The following NPRL3 variants were observed in gnomAD, a reference collection of about 807,000 sequenced individuals.
The protein encoded by NPRL3 is NPR3 like, GATOR1 complex subunit, also known as GATOR1 complex protein NPRL3.
Under a neutral mutation model 57.2 loss-of-function variants are expected in NPRL3, and 23 were observed. The ratio of observed to expected loss-of-function variants is 0.40; its 90% CI spans 0.29 to 0.57. NPRL3 has a LOEUF of 0.57. Among genes scored for constraint, NPRL3 ranks in the 20% least tolerant of loss-of-function variants. NPRL3 has a pLI of 0.42. For missense variants in NPRL3, 691 were observed against 767.1 expected, an observed-to-expected ratio of 0.90 and a Z score of 1.17; for synonymous variants, 333 against 321.1, an observed-to-expected ratio of 1.04 and a Z score of -0.39.
chr16:92,881 G>A (rs1596499736), intron 10 of NPRL3, 156 bp from the exon 11 acceptor site: 3 of 894,422 alleles, frequency 3.4e-6, no homozygotes, highest in Admixed American at 2.3e-5. Flanking sequence ...CCTCCAGGTG[G>A]ACAGAGCCTG....
intron 2 of NPRL3, among the ~76,000 whole-genome samples, chr16:137,784 C>T (rs983233817): frequency 2.0e-5 from 3 of 151,882 alleles, no homozygotes; most frequent in Non-Finnish European, 2.9e-5. Flanking sequence ...AGGCTGGTCT[C>T]GAACTCCTGA....
intron 7 of NPRL3, among the ~76,000 whole-genome samples, chr16:103,296 A>T (rs59882958): frequency 2.7e-3 from 114 of 42,096 alleles, no homozygotes; most frequent in South Asian, 3.6e-3. Flanking sequence ...GCCTGGGGTG[A>T]TTTTTTTTTT....
chr16:106,634 A>T (rs1251017944), intron 7 of NPRL3, among the ~76,000 whole-genome samples: 4 of 127,258 alleles, frequency 3.1e-5, no homozygotes, highest in Non-Finnish European at 4.8e-5. Flanking sequence ...TAAATTAAAA[A>T]AAAAAAAAAA....
intron 5 of NPRL3, among the ~76,000 whole-genome samples, chr16:114,398 A>G (rs1428182792): frequency 6.6e-6 from 1 of 152,234 alleles, no homozygotes; most frequent in Non-Finnish European, 1.5e-5. Context: ...TACACGACAT[A>G]AAGTGGCAGG....
chr16:107,143 A>G (rs216091), intron 7 of NPRL3, among the ~76,000 whole-genome samples: 135,067 of 152,218 alleles, frequency 0.89, 60,083 homozygotes, highest in African/African-American at 0.94. Flanking sequence ...AGAATGCTAC[A>G]TGCTGAACAA....
At chr16:115,119 C>T (rs1331193372) in intron 5 of NPRL3, among the ~76,000 whole-genome samples, 3 of 151,678 alleles carry the variant, frequency 2.0e-5, no homozygotes, top group African/African-American at 7.3e-5. Flanking sequence ...GGACTACAGG[C>T]GCACATCATC....
rs2283464 is a variant in NPRL3 at position 100,766 on chromosome 16, G to A, written c.630-257C>T. Among the ~76,000 whole-genome samples the A allele has an allele frequency of 0.85, 124,187 of 145,550 alleles. 52,872 individuals are homozygous for A. The highest frequency in any genetic ancestry group is 0.9 in the African/African-American group (35,482 of 39,566). Reference sequence around the variant, plus strand: ...GGGCGGATCACGAGGTCAGCAGTTCGAGACCAGCCTGGCTAATAACACGGT... The same window carrying A: ...GGGCGGATCACGAGGTCAGCAGTTCAAGACCAGCCTGGCTAATAACACGGT... On this transcript the variant is annotated intron_variant, in intron 7 of 13. Transcript: ENST00000611875.
intron 3 of NPRL3, among the ~76,000 whole-genome samples, chr16:130,023 T>A (rs1450219829): frequency 1.3e-5 from 2 of 152,090 alleles, no homozygotes; most frequent in Non-Finnish European, 2.9e-5. Context: ...GATCCACCTT[T>A]CATCTGTGCC....
chr16:134,548 G>A (rs982934752), intron 2 of NPRL3, among the ~76,000 whole-genome samples: 3 of 152,100 alleles, frequency 2.0e-5, no homozygotes, highest in Non-Finnish European at 2.9e-5. Flanking sequence ...TACACCAAGA[G>A]CTTGGGAGTG....
At chr16:116,600 C>T (rs1900041727) in intron 5 of NPRL3, among the ~76,000 whole-genome samples, 1 of 151,894 alleles carries the variant, frequency 6.6e-6, no homozygotes, top group Non-Finnish European at 1.5e-5. Context: ...GGAGGGAAGA[C>T]CATTTGAGAC....
rs1300324711 is a variant in NPRL3 at position 116,643 on chromosome 16, GAA to G, written c.393+656_393+657del. On this transcript the variant is annotated intron_variant, in intron 5 of 13. Transcript: ENST00000611875. ...TCAAGATCAGCCAGGGCAATAAGGTGAAAACTCATCTCTACAAAAAATACAAA... is the reference window on the plus strand; with the variant it reads ...TCAAGATCAGCCAGGGCAATAAGGTGAACTCATCTCTACAAAAAATACAAA... Among the ~76,000 whole-genome samples the G allele has an allele frequency of 2.0e-5, 3 of 152,194 alleles. No homozygotes were observed. In the South Asian group the frequency reaches 6.2e-4, roughly 32 times the overall value.
chr16:122,188 T>C (rs1388989578), intron 3 of NPRL3, among the ~76,000 whole-genome samples: 2 of 151,900 alleles, frequency 1.3e-5, no homozygotes, highest in Non-Finnish European at 2.9e-5. Context: ...CCTCCGCCTC[T>C]TGGGTTCAAG....
At position 101,960 on chromosome 16, in the gene NPRL3, G is replaced by T. The variant is rs371750809; in HGVS notation, c.630-1451C>A. On this transcript the variant is annotated intron_variant, in intron 7 of 13. Coordinates refer to ENST00000611875, the MANE Select transcript of NPRL3 (RefSeq NM_001077350.3). ...CCAACCAGAACTCACTCCTGAGGAG[G>T]GGGGCTTGTGGGTTTCATTCTCTGC... 3.3e-4 allele frequency among the ~76,000 whole-genome samples: 50 copies of T among 152,306 alleles called. 1 individual carries two copies. In the South Asian group the frequency reaches 9.3e-3, roughly 28 times the overall value.
intron 11 of NPRL3, chr16:90,924 AC>A (rs1369812334): frequency 1.3e-5 from 2 of 152,248 alleles, no homozygotes; most frequent in Admixed American, 1.3e-4. Context: ...TACTAAAGAT[AC>A]AAAAATTAGC....
At chr16:116,459 G>A (rs938705545) in intron 5 of NPRL3, among the ~76,000 whole-genome samples, 3 of 152,100 alleles carry the variant, frequency 2.0e-5, no homozygotes, top group Non-Finnish European at 2.9e-5. Context: ...TGTACCCCAG[G>A]AGCCATTAAC....
rs199626706 is a variant in NPRL3, at chr16:129,323, C to G, written c.188+1199G>C. Among the ~76,000 whole-genome samples, 5 of 152,218 alleles carry G rather than the reference C, an allele frequency of 3.3e-5. No homozygotes were observed. In the East Asian group the frequency reaches 9.7e-4, roughly 29 times the overall value. On this transcript the variant is annotated intron_variant, in intron 3 of 13. Transcript: ENST00000611875. ...TGCAGGGGCAAAAGCATTCTATATG[C>G]CTGTGACAAACCAGAGTTTGTTCCA...
intron 5 of NPRL3, 144 bp from the exon 6 acceptor site, chr16:112,919 G>T: frequency 1.3e-6 from 1 of 759,996 alleles, no homozygotes; most frequent in Non-Finnish European, 1.9e-6. Flanking sequence ...AGGCTCCTTT[G>T]CAGAGGCCAC....
chr16:135,979 CAATT>C (rs1196138134), intron 2 of NPRL3, among the ~76,000 whole-genome samples: 1 of 152,128 alleles, frequency 6.6e-6, no homozygotes, highest in African/African-American at 2.4e-5. Flanking sequence ...CTTTCTATCT[CAATT>C]AAAAGGCAAA....
At chr16:128,837 C>T (rs1333559823) in intron 3 of NPRL3, among the ~76,000 whole-genome samples, 1 of 151,928 alleles carries the variant, frequency 6.6e-6, no homozygotes, top group Non-Finnish European at 1.5e-5. Flanking sequence ...CAGGAACATG[C>T]TCTGAGCTAT....
Sources: allele counts gnomAD v4.1 joint callset (sites outside exome capture counted in the v4.1 genomes callset), GRCh38; gene constraint gnomAD v4.1.1; transcripts MANE v1.5; gene names NCBI Gene and HGNC (gene_info 2026-07-23, HGNC 2026-07-21).